KANSL1: variants seen among roughly 807,000 people sequenced by gnomAD.
KANSL1 encodes KAT8 regulatory NSL complex subunit 1, also known as MLL1/MLL complex subunit KANSL1.
Under a neutral mutation model 103.6 loss-of-function variants are expected in KANSL1, and 22 were observed. The observed-to-expected ratio is 0.21, with a 90% CI of 0.15 to 0.30. The LOEUF (loss-of-function observed/expected upper bound fraction) is 0.30. Ranked by LOEUF, KANSL1 falls within the 10% of genes least tolerant of loss-of-function variation. KANSL1 has a pLI of 1.00. For synonymous variants in KANSL1, 600 were observed against 527.6 expected, an observed-to-expected ratio of 1.14 and a Z score of -1.88; for missense variants, 1,337 against 1,399.8, an observed-to-expected ratio of 0.96 and a Z score of 0.72.
At position 46,062,557 on chromosome 17, in the gene KANSL1, T is replaced by C. The variant is rs180687683; in HGVS notation, c.1848+3980A>G. On this transcript the variant is annotated intron_variant, in intron 6 of 14. Transcript: ENST00000432791. Reference sequence around the variant, plus strand: ...TATTTTTAGTAGAGATGGGGTTTCATCATGTTGGCCAGGGTGGTCTTGATC... The same window carrying C: ...TATTTTTAGTAGAGATGGGGTTTCACCATGTTGGCCAGGGTGGTCTTGATC... Among the ~76,000 whole-genome samples, 587 of 150,978 alleles carry C rather than the reference T, an allele frequency of 3.9e-3. 5 individuals are homozygous for C. The highest frequency in any genetic ancestry group is 0.014 in the African/African-American group (562 of 41,246).
chr17:46,217,013 G>A (rs2048360071), intron 1 of KANSL1, among the ~76,000 whole-genome samples: 2 of 151,798 alleles, frequency 1.3e-5, no homozygotes, highest in South Asian at 2.1e-4. Context: ...AAGCTGAGGT[G>A]GGAGGATTAC....
chr17:46,214,613 C>T (rs894004241), intron 1 of KANSL1, among the ~76,000 whole-genome samples: 3 of 152,178 alleles, frequency 2.0e-5, no homozygotes, highest in Admixed American at 1.3e-4. Flanking sequence ...GAGATCGCGC[C>T]GTTGCGCTCC....
intron 1 of KANSL1, among the ~76,000 whole-genome samples, chr17:46,209,694 A>G (rs2048095402): frequency 6.6e-6 from 1 of 152,114 alleles, no homozygotes; most frequent in Non-Finnish European, 1.5e-5. Context: ...GGGTTTCACT[A>G]TGTTACCCAG....
intron 1 of KANSL1, among the ~76,000 whole-genome samples, chr17:46,205,150 G>A (rs537500706): frequency 1.3e-5 from 2 of 151,878 alleles, no homozygotes; most frequent in East Asian, 3.9e-4. Context: ...AATCACTCAG[G>A]CTTAAAAAAA....
At chr17:46,193,727 G>A, upstream of KANSL1, 2 of 248,508 alleles carry the variant, frequency 8.0e-6, no homozygotes, top group Non-Finnish European at 1.7e-5. Context: ...GCCAGCCCTC[G>A]CTGCGGCCGA....
chr17:46,129,446 C>T (rs2043737099), intron 2 of KANSL1, among the ~76,000 whole-genome samples: 1 of 152,216 alleles, frequency 6.6e-6, no homozygotes, highest in Non-Finnish European at 1.5e-5. Flanking sequence ...GAAAATAAAT[C>T]ACAGTATCTC....
chr17:46,082,737 C>T (rs999575403), intron 3 of KANSL1, among the ~76,000 whole-genome samples, 195 bp from the exon 4 acceptor site: 1 of 152,092 alleles, frequency 6.6e-6, no homozygotes, highest in Non-Finnish European at 1.5e-5. Context: ...GACCCAGGCT[C>T]CCCTCTCTGC....
upstream of KANSL1, among the ~76,000 whole-genome samples, chr17:46,197,535 C>T (rs1483887396): frequency 6.6e-6 from 1 of 152,100 alleles, no homozygotes; most frequent in Non-Finnish European, 1.5e-5. Flanking sequence ...TCCAGCTACT[C>T]GGGAGGCTGA....
upstream of KANSL1, among the ~76,000 whole-genome samples, chr17:46,194,062 GGA>G (rs1233108391): frequency 1.3e-5 from 2 of 152,236 alleles, no homozygotes; most frequent in Admixed American, 6.5e-5. Context: ...GGCGGGGTGG[GGA>G]GGGTGCACGT....
At position 46,172,180 on chromosome 17, in the gene KANSL1, T is replaced by TGCCGAG. The variant is rs769218713; in HGVS notation, c.-43_-38dup. 26 of 1,580,224 alleles carry TGCCGAG rather than the reference T, an allele frequency of 1.6e-5. No homozygotes were observed. The highest frequency in any genetic ancestry group is 1.0e-4 in the Admixed American group (6 of 57,360). ...AGACAGGAAGTCCAGCCTCTCCCGA[T>TGCCGAG]GCCGAGGCCGAGGCCAGCTCCACGG... On this transcript the variant is annotated 5_prime_UTR_variant, in exon 2 of 15. Coordinates refer to ENST00000432791, the MANE Select transcript of KANSL1 (RefSeq NM_015443.4).
At chr17:46,036,125 T>C (rs12185225) in intron 10 of KANSL1, among the ~76,000 whole-genome samples, 21,773 of 152,126 alleles carry the variant, frequency 0.14, 2,130 homozygotes, top group Non-Finnish European at 0.22. Flanking sequence ...CACTATGTTG[T>C]CCAGGCTGGA....
At chr17:46,128,842 T>C (rs1050543708) in intron 2 of KANSL1, among the ~76,000 whole-genome samples, 1 of 152,186 alleles carries the variant, frequency 6.6e-6, no homozygotes, top group Non-Finnish European at 1.5e-5. Flanking sequence ...TTAGTCTACG[T>C]GTGACAGGAA....
intron 2 of KANSL1, among the ~76,000 whole-genome samples, chr17:46,123,142 G>C (rs998155147): frequency 6.6e-6 from 1 of 152,210 alleles, no homozygotes; most frequent in Non-Finnish European, 1.5e-5. Flanking sequence ...TTTGGGAGGC[G>C]GCGGCAGGCG....
At chr17:46,095,374 C>G (rs1187526028) in intron 2 of KANSL1, among the ~76,000 whole-genome samples, 1 of 152,084 alleles carries the variant, frequency 6.6e-6, no homozygotes, top group African/African-American at 2.4e-5. Context: ...AAGAAATTTG[C>G]AAGAAGGCAT....
At chr17:46,208,754 C>T (rs1597972040) in intron 1 of KANSL1, among the ~76,000 whole-genome samples, 2 of 151,812 alleles carry the variant, frequency 1.3e-5, no homozygotes, top group South Asian at 2.1e-4. Flanking sequence ...GCTCAGCCCA[C>T]CGGAGACAGA....
chr17:46,032,112 T>C lies in KANSL1; in HGVS notation c.3025A>G (p.Thr1009Ala). The change falls in exon 14 of 15, where the codon ACT becomes GCT. Residue 1009 changes from threonine to alanine, a missense_variant. Physicochemically the swap from Thr to Ala is moderately conservative, Grantham distance 58. This residue lies in a region of KANSL1 where 780 missense variants were observed against 923.4 expected (regional missense o/e 0.84). Transcript: ENST00000432791. Reference protein sequence around the residue: ...SAPLTPVARDTPRHLASEDTR... With the variant: ...SAPLTPVARDAPRHLASEDTR... ...TCCTCACTGGCTAAGTGTCGCGGAG[T>C]GTCCCGAGCCACAGGGGTGAGGGGT... 1 of 1,613,930 alleles carries C rather than the reference T, an allele frequency of 6.2e-7. No homozygotes were observed.
chr17:46,155,564 T>C (rs2045376896), intron 2 of KANSL1, among the ~76,000 whole-genome samples: 1 of 152,180 alleles, frequency 6.6e-6, no homozygotes, highest in South Asian at 2.1e-4. Flanking sequence ...TACTGGCATT[T>C]AGGGGGTAGA....
intron 3 of KANSL1, among the ~76,000 whole-genome samples, chr17:46,086,793 A>G (rs1052237586): frequency 6.6e-6 from 1 of 152,170 alleles, no homozygotes; most frequent in African/African-American, 2.4e-5. Context: ...GTCTCCACAA[A>G]AACAATAATA....
At chr17:46,101,624 C>G (rs1412468150) in intron 2 of KANSL1, among the ~76,000 whole-genome samples, 2 of 151,540 alleles carry the variant, frequency 1.3e-5, no homozygotes, top group Non-Finnish European at 2.9e-5. Context: ...CTTAGTAGCA[C>G]GCGCCTGTAA....
Sources: allele counts gnomAD v4.1 joint callset (sites outside exome capture counted in the v4.1 genomes callset), GRCh38; gene constraint gnomAD v4.1.1; regional missense constraint gnomAD v4.1.1; transcripts MANE v1.5; gene names NCBI Gene and HGNC (gene_info 2026-07-23, HGNC 2026-07-21).